The following PKHD1 variants were observed in gnomAD, a reference collection of about 807,000 sequenced individuals.
PKHD1 encodes the protein PKHD1 ciliary IPT domain containing fibrocystin/polyductin, also known as fibrocystin.
A neutral mutation model predicts 412.0 loss-of-function variants in PKHD1; 291 were observed. That is an observed-to-expected ratio of 0.71 (90% CI 0.64 to 0.78). The LOEUF (loss-of-function observed/expected upper bound fraction) is 0.78. PKHD1 is among the 30% of genes least tolerant of loss of function. PKHD1 has a pLI of 0.00. For synonymous variants in PKHD1, 1,777 were observed against 1,821.5 expected (o/e 0.98, Z 0.62); for missense variants, 4,825 against 4,950.7 (o/e 0.97, Z 0.76).
At chr6:51,957,945 T>C (rs182863650) in intron 36 of PKHD1, among the ~76,000 whole-genome samples, 44 of 152,264 alleles carry the variant, frequency 2.9e-4, no homozygotes, top group Middle Eastern at 6.8e-3. Context: ...TCTTTGGTAA[T>C]ATTACATGTT....
chr6:52,003,195 A>G (rs1352426613), intron 35 of PKHD1, among the ~76,000 whole-genome samples: 2 of 152,226 alleles, frequency 1.3e-5, no homozygotes, highest in Non-Finnish European at 2.9e-5. Context: ...AAGAGTCTAA[A>G]TGAATTTTAA....
chr6:51,927,512 A>G (rs554225999), intron 37 of PKHD1, among the ~76,000 whole-genome samples: 1 of 152,322 alleles, frequency 6.6e-6, no homozygotes, highest in East Asian at 1.9e-4. Flanking sequence ...GGGATGAGCC[A>G]TCAGCCTGGG....
intron 54 of PKHD1, among the ~76,000 whole-genome samples, chr6:51,774,807 A>G (rs1379075152): frequency 6.6e-6 from 1 of 151,792 alleles, no homozygotes; most frequent in Non-Finnish European, 1.5e-5. Context: ...TCCACAAGGA[A>G]AAATGACTTA....
chr6:51,674,989 T>G (rs1344689223), intron 60 of PKHD1, among the ~76,000 whole-genome samples: 1 of 152,138 alleles, frequency 6.6e-6, no homozygotes, highest in African/African-American at 2.4e-5. Flanking sequence ...ATATATGTAT[T>G]TTTTATTTTT....
chr6:52,065,160 T>TAG lies in PKHD1; in HGVS notation c.881-111_881-110insCT, dbSNP rs1469516676. ...ATATATATATATATATATATATATA[T>TAG]ATATATATAGAGAGAGAGAGAGAGA... On this transcript the variant is annotated intron_variant, in intron 12 of 66. Transcript: ENST00000371117. 8.4e-3 allele frequency: 612 copies of TAG among 73,222 alleles called. 5 individuals carry two copies. Among genetic ancestry groups the TAG allele is most frequent in the Admixed American group, 0.044 (258 of 5,820 alleles). The allele number at this position is 73,222 out of a possible 1,614,324, so 4.5% of individuals were successfully genotyped here.
Position 51,694,548 on chromosome 6 carries a change from C to CTTTTT in PKHD1, c.10157-34584_10157-34580dup, listed in dbSNP as rs67157925. On this transcript the variant is annotated intron_variant, in intron 60 of 66. Coordinates refer to ENST00000371117, the MANE Select transcript of PKHD1 (RefSeq NM_138694.4). ...ACAGGTGCCCGCCACCACAACCAGCCTTTTTTTTTTTTTTTTTTTTTTTTT... is the reference window on the plus strand; with the variant it reads ...ACAGGTGCCCGCCACCACAACCAGCCTTTTTTTTTTTTTTTTTTTTTTTTTTTTTT... Among the ~76,000 whole-genome samples the CTTTTT allele has an allele frequency of 2.7e-4, 10 of 37,690 alleles. 1 individual carries two copies. The highest frequency in any genetic ancestry group is 5.5e-4 in the Admixed American group (1 of 1,832). 24.7% of individuals were successfully genotyped at this position (37,690 alleles called of 152,430 possible).
At chr6:51,821,100 C>G (rs1452366298) in intron 52 of PKHD1, among the ~76,000 whole-genome samples, 1 of 152,144 alleles carries the variant, frequency 6.6e-6, no homozygotes, top group African/African-American at 2.4e-5. Context: ...AGTTTCCCTT[C>G]TTTTGTAAGA....
intron 53 of PKHD1, among the ~76,000 whole-genome samples, chr6:51,779,483 T>C (rs766158293): frequency 6.6e-6 from 1 of 152,162 alleles, no homozygotes; most frequent in Non-Finnish European, 1.5e-5. Context: ...GCCATTTACC[T>C]GATTGCCTCC....
At chr6:51,792,315 C>G (rs1793884811) in intron 52 of PKHD1, among the ~76,000 whole-genome samples, 1 of 152,146 alleles carries the variant, frequency 6.6e-6, no homozygotes, top group Non-Finnish European at 1.5e-5. Flanking sequence ...GCTTAAATTT[C>G]TAGTACCATA....
At chr6:51,739,423 T>C (rs886875289) in intron 60 of PKHD1, among the ~76,000 whole-genome samples, 6 of 151,982 alleles carry the variant, frequency 3.9e-5, no homozygotes, top group Admixed American at 2.0e-4. Context: ...TAGAGACGGA[T>C]TTTCATCACA....
intron 36 of PKHD1, among the ~76,000 whole-genome samples, chr6:51,954,230 C>T (rs563371047): frequency 9.3e-4 from 142 of 152,136 alleles, no homozygotes; most frequent in Non-Finnish European, 1.7e-3. Flanking sequence ...AACATCCATA[C>T]GAGACAGGCA....
chr6:52,080,317 C>T (rs1340495657), intron 4 of PKHD1, among the ~76,000 whole-genome samples: 2 of 152,142 alleles, frequency 1.3e-5, no homozygotes, highest in East Asian at 3.8e-4. Context: ...ATCTATTCCC[C>T]ATTTCCATGT....
intron 60 of PKHD1, among the ~76,000 whole-genome samples, chr6:51,694,158 C>G (rs1778499912): frequency 6.6e-6 from 1 of 151,784 alleles, no homozygotes; most frequent in Admixed American, 6.6e-5. Flanking sequence ...TTTAAATTTT[C>G]TCCCTCCTAC....
At chr6:51,808,111 T>C (rs1429806385) in intron 52 of PKHD1, among the ~76,000 whole-genome samples, 1 of 152,212 alleles carries the variant, frequency 6.6e-6, no homozygotes, top group Non-Finnish European at 1.5e-5. Context: ...TGTACTAATA[T>C]GGAATAATCA....
rs2128234015 is a variant in PKHD1, at chr6:52,073,536, G to C, written c.454C>G (p.Leu152Val). Residue 152 changes from leucine to valine, a missense_variant, in exon 7 of 67, where the codon CTA becomes GTA. Transcript: ENST00000371117. ...ATAATCCAGCCATATACATGTATTA[G>C]TTTTCCTGTTTGAAGAAGAATTTTT... Reference protein sequence around the residue: ...VYPPSGVPGKLIHVYGWIITG... With the variant: ...VYPPSGVPGKVIHVYGWIITG... The C allele has an allele frequency of 6.3e-7, 1 of 1,589,672 alleles. No individual in the cohort carries two copies.
chr6:51,767,785 ATG>A (rs1360068899), intron 55 of PKHD1, among the ~76,000 whole-genome samples: 1 of 152,208 alleles, frequency 6.6e-6, no homozygotes, highest in Non-Finnish European at 1.5e-5. Flanking sequence ...ATATGTGTGC[ATG>A]TGTCTTTATA....
intron 60 of PKHD1, among the ~76,000 whole-genome samples, chr6:51,707,678 C>T (rs964403997): frequency 3.9e-5 from 6 of 152,128 alleles, no homozygotes; most frequent in African/African-American, 1.2e-4. Context: ...AACCCATTCC[C>T]GTCTGACTTC....
chr6:51,925,339 T>A (rs1198214881), intron 37 of PKHD1, among the ~76,000 whole-genome samples: 1 of 152,062 alleles, frequency 6.6e-6, no homozygotes, highest in Non-Finnish European at 1.5e-5. Context: ...ACAGAGTCAG[T>A]TATGAGGTTT....
chr6:52,053,417 C>G (rs568002677), intron 20 of PKHD1, among the ~76,000 whole-genome samples, 166 bp from the exon 21 acceptor site: 1 of 152,332 alleles, frequency 6.6e-6, no homozygotes, highest in South Asian at 2.1e-4. Context: ...CTACAAACAT[C>G]CCACCCAAGA....
Sources: gnomAD v4.1 joint callset for allele counts (sites outside exome capture counted in the v4.1 genomes callset) on GRCh38, gnomAD v4.1.1 for gene constraint, MANE v1.5 for transcripts, NCBI Gene and HGNC (gene_info 2026-07-23, HGNC 2026-07-21) for gene names.